RAB21: variants seen among roughly 807,000 people sequenced by gnomAD.
RAB21 encodes the protein RAB21, member RAS oncogene family.
In RAB21, 13 loss-of-function variants were observed where a neutral mutation model predicts 33.1. The ratio of observed to expected loss-of-function variants is 0.39; its 90% CI spans 0.26 to 0.62. RAB21 has a LOEUF of 0.62. Among genes scored for constraint, RAB21 ranks in the 20% least tolerant of loss-of-function variants. The pLI is 0.48. For synonymous variants in RAB21, 91 were observed against 103.7 expected (o/e 0.88, Z 0.74); for missense variants, 234 against 279.1 (o/e 0.84, Z 1.15).
At chr12:71,777,670 G>GA (rs2137653537) in intron 4 of RAB21, among the ~76,000 whole-genome samples, 1 of 152,250 alleles carries the variant, frequency 6.6e-6, no homozygotes, top group East Asian at 1.9e-4. Context: ...TCAAGCATTT[G>GA]AAGACTACTT....
At position 71,789,660 on chromosome 12, in the gene RAB21, A is replaced by G. The variant is rs371971982; in HGVS notation, c.*3987A>G. On this transcript the variant is annotated 3_prime_UTR_variant, in exon 7 of 7. Coordinates refer to ENST00000261263, the MANE Select transcript of RAB21 (RefSeq NM_014999.4). Reference sequence around the variant, plus strand: ...AGTAGATCCCTAAGTACTCTTCTCTAAATTATAAAATGCATTACCTAGGCT... The same window carrying G: ...AGTAGATCCCTAAGTACTCTTCTCTGAATTATAAAATGCATTACCTAGGCT... The G allele has an allele frequency of 3.9e-5, 6 of 152,268 alleles. No homozygotes were observed. The highest frequency in any genetic ancestry group is 6.5e-5 in the Admixed American group (1 of 15,292). The allele number at this position is 152,268 out of a possible 1,614,324, so 9.4% of individuals were successfully genotyped here. A position where few individuals can be genotyped will look rare whatever the true frequency, so the allele number is the denominator to read the frequency against.
intron 1 of RAB21, among the ~76,000 whole-genome samples, chr12:71,768,482 T>G (rs1882992818): frequency 6.6e-6 from 1 of 152,196 alleles, no homozygotes; most frequent in Non-Finnish European, 1.5e-5. Flanking sequence ...CTCTGGATTC[T>G]GGATATATTT....
chr12:71,760,586 G>A (rs1328583693), intron 1 of RAB21, among the ~76,000 whole-genome samples: 1 of 152,142 alleles, frequency 6.6e-6, no homozygotes, highest in South Asian at 2.1e-4. Flanking sequence ...GGAATATAAC[G>A]ATGAGCAAGG....
At chr12:71,759,653 C>T (rs1357468282) in intron 1 of RAB21, among the ~76,000 whole-genome samples, 1 of 152,210 alleles carries the variant, frequency 6.6e-6, no homozygotes, top group African/African-American at 2.4e-5. Flanking sequence ...ACATTTACTC[C>T]AGCATTACAG....
chr12:71,761,837 T>G (rs1459377929), intron 1 of RAB21, among the ~76,000 whole-genome samples: 1 of 152,174 alleles, frequency 6.6e-6, no homozygotes, highest in African/African-American at 2.4e-5. Context: ...GAGCAACACT[T>G]GGCATTCAGG....
Position 71,777,214 on chromosome 12 carries a change from C to G in RAB21, c.391+3192C>G, listed in dbSNP as rs183284969. ...ATCCCAACACTCACAGTTGTTTTCC[C>G]CTCACCATTCCCCACCCCCGTCACT... On this transcript the variant is annotated intron_variant, in intron 4 of 6. Coordinates refer to ENST00000261263, the MANE Select transcript of RAB21 (RefSeq NM_014999.4). 2.6e-4 allele frequency among the ~76,000 whole-genome samples: 39 copies of G among 152,230 alleles called. No individual in the cohort carries two copies. The South Asian group carries it at 3.7e-3, about 15-fold the overall frequency.
intron 4 of RAB21, among the ~76,000 whole-genome samples, chr12:71,774,583 AC>A (rs1883092591): frequency 6.6e-6 from 1 of 151,684 alleles, no homozygotes; most frequent in Non-Finnish European, 1.5e-5. Flanking sequence ...ACATAGTGAA[AC>A]CCCGCTCTAA....
At chr12:71,785,226 A>C (rs1452233672) in intron 6 of RAB21, among the ~76,000 whole-genome samples, 4 of 152,246 alleles carry the variant, frequency 2.6e-5, no homozygotes, top group African/African-American at 9.6e-5. Context: ...GTGTTTGGAA[A>C]ATCTTAAGGA....
intron 6 of RAB21, among the ~76,000 whole-genome samples, chr12:71,784,964 A>T (rs1217780234): frequency 6.6e-6 from 1 of 151,602 alleles, no homozygotes; most frequent in Non-Finnish European, 1.5e-5. Context: ...ATGGTGTTGC[A>T]TACCTGTAAT....
Position 71,799,369 on chromosome 12 carries a change from A to C in RAB21, c.*13696A>C, listed in dbSNP as rs2137670566. The C allele has an allele frequency of 6.6e-6, 1 of 152,356 alleles. No individual in the cohort carries two copies. Among genetic ancestry groups the C allele is most frequent in the East Asian group, 1.9e-4 (1 of 5,192 alleles). The allele number at this position is 152,356 out of a possible 1,614,324, so 9.4% of individuals were successfully genotyped here. On this transcript the variant is annotated 3_prime_UTR_variant, in exon 7 of 7. Coordinates refer to ENST00000261263, the MANE Select transcript of RAB21 (RefSeq NM_014999.4). Reference sequence around the variant, plus strand: ...CATTTAAAAAGTGCCTTCCTGTTTAAAATATCTATAATGGCTTCTGTTTCC... The same window carrying C: ...CATTTAAAAAGTGCCTTCCTGTTTACAATATCTATAATGGCTTCTGTTTCC...
At chr12:71,774,149 GAAT>G in intron 4 of RAB21, 127 bp downstream of exon 4, 1 of 609,542 alleles carries the variant, frequency 1.6e-6, no homozygotes, top group Non-Finnish European at 2.6e-6. Flanking sequence ...AAATATTTTA[GAAT>G]AATTTAGGAT....
In RAB21 at chr12:71,787,396, G is replaced by T. The variant is rs977685994; in HGVS notation, c.*1723G>T. On this transcript the variant is annotated 3_prime_UTR_variant, in exon 7 of 7. Transcript: ENST00000261263. ...ATATATATATTTTTTCATTTCTGTC[G>T]TGCTTGGAAAACTAGTAAATATTAT... is the stretch of plus-strand genomic sequence containing the variant. The T allele has an allele frequency of 6.6e-6, 1 of 151,882 alleles. No homozygotes were observed. Among genetic ancestry groups the T allele is most frequent in the Non-Finnish European group, 1.5e-5 (1 of 67,990 alleles). The allele number at this position is 151,882 out of a possible 1,614,324, so 9.4% of individuals were successfully genotyped here. A position where few individuals can be genotyped will look rare whatever the true frequency, so the allele number is the denominator to read the frequency against.
rs372241474 is a variant in RAB21, at chr12:71,785,879, G to GT, written c.*215dup. ...CAGAGAATTGGCATTTTCTACAAAT[G>GT]TTTTTTTTTGTTTTTTTTTTGTTTT... On this transcript the variant is annotated 3_prime_UTR_variant, in exon 7 of 7. Coordinates refer to ENST00000261263, the MANE Select transcript of RAB21 (RefSeq NM_014999.4). 736 of 396,582 alleles carry GT rather than the reference G, an allele frequency of 1.9e-3. 2 individuals are homozygous for GT. Among genetic ancestry groups the GT allele is most frequent in the South Asian group, 3.6e-3 (72 of 19,902 alleles). 24.6% of individuals were successfully genotyped at this position (396,582 alleles called of 1,614,324 possible). A position where few individuals can be genotyped will look rare whatever the true frequency, so the allele number is the denominator to read the frequency against.
intron 4 of RAB21, among the ~76,000 whole-genome samples, chr12:71,781,709 C>T (rs11608295): frequency 6.6e-6 from 1 of 152,142 alleles, no homozygotes; most frequent in Non-Finnish European, 1.5e-5. Flanking sequence ...TTACACTTGC[C>T]TAAGAATCAT....
intron 4 of RAB21, among the ~76,000 whole-genome samples, chr12:71,777,347 A>G (rs141921174): frequency 9.1e-4 from 139 of 152,320 alleles, no homozygotes; most frequent in Middle Eastern, 3.4e-3. Context: ...TTATGTGCCT[A>G]CGATTCCTTT....
At chr12:71,767,659 A>G (rs1459114007) in intron 1 of RAB21, among the ~76,000 whole-genome samples, 2 of 152,144 alleles carry the variant, frequency 1.3e-5, no homozygotes, top group Non-Finnish European at 2.9e-5. Flanking sequence ...AAGGCTTGGT[A>G]GATTTTGGAG....
chr12:71,769,335 A>G (rs1008056479), intron 1 of RAB21, among the ~76,000 whole-genome samples: 2 of 152,156 alleles, frequency 1.3e-5, no homozygotes, highest in African/African-American at 4.8e-5. Flanking sequence ...TCTGACATTA[A>G]TACTTAGGAT....
intron 1 of RAB21, among the ~76,000 whole-genome samples, chr12:71,769,102 T>C (rs1241365632): frequency 6.6e-6 from 1 of 152,192 alleles, no homozygotes; most frequent in Non-Finnish European, 1.5e-5. Flanking sequence ...TTCACTCATC[T>C]ATCAGGAACA....
In RAB21 at chr12:71,761,804, A is replaced by G. The variant is rs538445377; in HGVS notation, c.159+6516A>G. 2.4e-4 allele frequency among the ~76,000 whole-genome samples: 36 copies of G among 152,104 alleles called. No individual in the cohort carries two copies. In the South Asian group the frequency reaches 4.3e-3, roughly 18 times the overall value. On this transcript the variant is annotated intron_variant, in intron 1 of 6. Coordinates refer to ENST00000261263, the MANE Select transcript of RAB21 (RefSeq NM_014999.4). ...TTTTTGAGACACTTGGCTTTTATTT[A>G]TTTTTTAAACACACCTTAACCTGAG... is the stretch of plus-strand genomic sequence containing the variant.
Sources: allele counts gnomAD v4.1 joint callset (sites outside exome capture counted in the v4.1 genomes callset), GRCh38; gene constraint gnomAD v4.1.1; transcripts MANE v1.5; gene names NCBI Gene and HGNC (gene_info 2026-07-23, HGNC 2026-07-21).